Variants in GALNTL6 observed in about 807,000 individuals in gnomAD.
The protein encoded by GALNTL6 is polypeptide N-acetylgalactosaminyltransferase-like 6.
In GALNTL6, 46 loss-of-function variants were observed where a neutral mutation model predicts 73.7. The ratio of observed to expected loss-of-function variants is 0.62; its 90% CI spans 0.49 to 0.80. The LOEUF is 0.80. GALNTL6 is among the 30% of genes least tolerant of loss of function. GALNTL6 has a pLI of 0.00. For missense variants in GALNTL6, 604 were observed against 755.0 expected (o/e 0.80, Z 2.34); for synonymous variants, 259 against 263.7 (o/e 0.98, Z 0.17).
At chr4:172,927,194 T>A (rs901155595) in intron 8 of GALNTL6, among the ~76,000 whole-genome samples, 1 of 152,212 alleles carries the variant, frequency 6.6e-6, no homozygotes, top group Non-Finnish European at 1.5e-5. Context: ...TTGTAATTTC[T>A]TTGGCCCAGA....
chr4:171,846,589 G>A (rs1325356602), intron 2 of GALNTL6, among the ~76,000 whole-genome samples: 1 of 151,488 alleles, frequency 6.6e-6, no homozygotes, highest in Admixed American at 6.6e-5. Flanking sequence ...TTACTCTTGT[G>A]ACATAAAGAA....
At chr4:172,370,603 C>T (rs545560165) in intron 5 of GALNTL6, among the ~76,000 whole-genome samples, 63 of 120,520 alleles carry the variant, frequency 5.2e-4, no homozygotes, top group Non-Finnish European at 9.3e-4. Context: ...TGCACTCCAG[C>T]GTGGGCGACA....
At chr4:172,109,822 C>G (rs1042809020) in intron 2 of GALNTL6, among the ~76,000 whole-genome samples, 2 of 152,162 alleles carry the variant, frequency 1.3e-5, no homozygotes, top group African/African-American at 4.8e-5. Flanking sequence ...CATGATGGAT[C>G]TTAGTCCATT....
intron 2 of GALNTL6, among the ~76,000 whole-genome samples, chr4:172,019,893 A>G (rs1741343804): frequency 6.6e-6 from 1 of 152,160 alleles, no homozygotes. Flanking sequence ...CACATGGATC[A>G]TTCTCAGTGA....
intron 7 of GALNTL6, among the ~76,000 whole-genome samples, chr4:172,859,412 G>A (rs538926977): frequency 6.6e-5 from 10 of 152,222 alleles, no homozygotes; most frequent in South Asian, 2.1e-4. Context: ...TACATGAAGC[G>A]CTTCAGTATA....
intron 2 of GALNTL6, among the ~76,000 whole-genome samples, chr4:172,102,335 G>A (rs894037849): frequency 8.5e-5 from 13 of 152,136 alleles, no homozygotes; most frequent in African/African-American, 2.9e-4. Context: ...GTAGCTCAAC[G>A]TGAAGAATTC....
At chr4:172,937,509 T>C (rs534334172) in intron 9 of GALNTL6, among the ~76,000 whole-genome samples, 1 of 152,258 alleles carries the variant, frequency 6.6e-6, no homozygotes, top group African/African-American at 2.4e-5. Context: ...TCTGGGGAGA[T>C]ACCCACAGAT....
intron 9 of GALNTL6, among the ~76,000 whole-genome samples, chr4:172,946,994 AAGAG>A (rs1056895050): frequency 2.0e-5 from 3 of 152,212 alleles, no homozygotes; most frequent in Non-Finnish European, 4.4e-5. Context: ...AAAGAGACGT[AAGAG>A]AGAGATTTTT....
chr4:172,052,510 A>G, intron 2 of GALNTL6: 2 of 1,534,516 alleles, frequency 1.3e-6, no homozygotes, highest in Non-Finnish European at 1.7e-6. Context: ...CAGACCACGG[A>G]GTGCATGAGC....
At chr4:172,526,617 A>C (rs1250708280) in intron 5 of GALNTL6, among the ~76,000 whole-genome samples, 3 of 152,262 alleles carry the variant, frequency 2.0e-5, no homozygotes, top group Admixed American at 6.5e-5. Flanking sequence ...TTTGGCTTTC[A>C]TGAAAAGTTC....
In GALNTL6 at chr4:172,398,765, T is replaced by C. The variant is rs915063251; in HGVS notation, c.553+50076T>C. ...TTTTGTAGAAGTATATTCAGTGACA[T>C]AGAAATCGAATTATGTTAATTTGTA... On this transcript the variant is annotated intron_variant, in intron 5 of 12. Transcript: ENST00000506823. Among the ~76,000 whole-genome samples the C allele has an allele frequency of 3.9e-5, 6 of 152,176 alleles. No individual in the cohort carries two copies. The South Asian group carries it at 6.2e-4, about 16-fold the overall frequency.
chr4:172,617,405 A>G (rs1738781676), intron 5 of GALNTL6, among the ~76,000 whole-genome samples: 5 of 53,758 alleles, frequency 9.3e-5, no homozygotes, highest in Admixed American at 5.6e-4. Flanking sequence ...AAGACACTCA[A>G]AAAAAAAAAA....
At chr4:172,034,768 C>T (rs191961174) in intron 2 of GALNTL6, among the ~76,000 whole-genome samples, 1 of 152,138 alleles carries the variant, frequency 6.6e-6, no homozygotes, top group East Asian at 1.9e-4. Flanking sequence ...CACAAAATGA[C>T]AGAAGTTGTG....
At chr4:172,267,653 G>A (rs1738494364) in intron 3 of GALNTL6, among the ~76,000 whole-genome samples, 2 of 152,070 alleles carry the variant, frequency 1.3e-5, no homozygotes, top group Non-Finnish European at 2.9e-5. Flanking sequence ...TACTACCTCA[G>A]CCTGGTTCCT....
At chr4:172,083,662 A>G (rs1236099497) in intron 2 of GALNTL6, among the ~76,000 whole-genome samples, 1 of 152,026 alleles carries the variant, frequency 6.6e-6, no homozygotes, top group Non-Finnish European at 1.5e-5. Context: ...CTTCTCCCCA[A>G]CCTCATGACA....
intron 2 of GALNTL6, among the ~76,000 whole-genome samples, chr4:172,065,129 G>A (rs905415481): frequency 2.7e-4 from 41 of 151,060 alleles, no homozygotes; most frequent in Non-Finnish European, 5.6e-4. Context: ...TTGGCACAAG[G>A]GACTGGTTTC....
chr4:172,065,123 C>T (rs1338511142), intron 2 of GALNTL6, among the ~76,000 whole-genome samples: 1 of 151,636 alleles, frequency 6.6e-6, no homozygotes, highest in Non-Finnish European at 1.5e-5. Context: ...ACCTTTTTGG[C>T]ACAAGGGACT....
At chr4:172,524,932 TC>T (rs1375184169) in intron 5 of GALNTL6, among the ~76,000 whole-genome samples, 1 of 152,196 alleles carries the variant, frequency 6.6e-6, no homozygotes, top group East Asian at 1.9e-4. Flanking sequence ...CATATTTATA[TC>T]CACTATCTAG....
chr4:172,855,875 G>A (rs948991446), intron 7 of GALNTL6, among the ~76,000 whole-genome samples: 3 of 152,146 alleles, frequency 2.0e-5, no homozygotes, highest in Non-Finnish European at 4.4e-5. Flanking sequence ...CCTGGATGTC[G>A]ATATGCAGCA....
Sources: allele counts gnomAD v4.1 joint callset (sites outside exome capture counted in the v4.1 genomes callset), GRCh38; gene constraint gnomAD v4.1.1; transcripts MANE v1.5; gene names NCBI Gene and HGNC (gene_info 2026-07-23, HGNC 2026-07-21).